LOXL4: variants seen among roughly 807,000 people sequenced by gnomAD.
The protein encoded by LOXL4 is lysyl oxidase like 4.
LOXL4 carries 72 observed loss-of-function variants against 89.1 expected under a neutral mutation model. The observed-to-expected ratio is 0.81, with a 90% CI of 0.67 to 0.98. LOXL4 has a LOEUF of 0.98. Among genes scored for constraint, LOXL4 ranks in the 50% least tolerant of loss-of-function variants. The pLI is 0.00. For missense variants in LOXL4, 984 were observed against 1,017.5 expected, an observed-to-expected ratio of 0.97 and a Z score of 0.45; for synonymous variants, 355 against 392.1, an observed-to-expected ratio of 0.91 and a Z score of 1.12.
chr10:98,262,814 A>G lies in LOXL4; in HGVS notation c.206T>C (p.Val69Ala). 6.2e-7 allele frequency: 1 copy of G among 1,613,672 alleles called. No individual in the cohort carries two copies. The highest frequency in any genetic ancestry group is 8.5e-7 in the Non-Finnish European group (1 of 1,180,038). Residue 69 changes from valine to alanine, a missense_variant, in exon 2 of 15, where the codon GTG becomes GCG. By Grantham distance (64) the Val-to-Ala change is moderately conservative. Transcript: ENST00000260702. ...TTCGAAGCCCAGCTGGCGGCAAGCCACTGTGGCCTCCTGGATAGCAAAGTT... is the reference window on the plus strand; with the variant it reads ...TTCGAAGCCCAGCTGGCGGCAAGCCGCTGTGGCCTCCTGGATAGCAAAGTT... ...DDNFAIQEAT[V>A]ACRQLGFEAA...
At chr10:98,261,682 G>A (rs1858546703) in intron 3 of LOXL4, among the ~76,000 whole-genome samples, 1 of 152,268 alleles carries the variant, frequency 6.6e-6, no homozygotes, top group Non-Finnish European at 1.5e-5. Flanking sequence ...CGCTCCTGTT[G>A]TTTGGCTTGG....
intron 11 of LOXL4, among the ~76,000 whole-genome samples, chr10:98,252,873 G>GT (rs1199668945): frequency 2.0e-5 from 3 of 152,342 alleles, no homozygotes; most frequent in South Asian, 2.1e-4. Flanking sequence ...TTCCAATCCA[G>GT]TTATAATGAC....
chr10:98,256,890 C>T lies in LOXL4; in HGVS notation c.1318G>A (p.Val440Met). 1.2e-6 allele frequency: 2 copies of T among 1,614,234 alleles called. No homozygotes were observed. The highest frequency in any genetic ancestry group is 1.1e-5 in the South Asian group (1 of 91,092). The change falls in exon 9 of 15, where the codon GTG (valine) becomes ATG (methionine). Residue 440 changes from valine (V) to methionine (M), a missense_variant. Transcript: ENST00000260702. ...CTCCCCCAGCGTGGGACCCCGTTCACCTCCACCTGCACCTCCAATAGCCCC... is the reference window on the plus strand; with the variant it reads ...CTCCCCCAGCGTGGGACCCCGTTCATCTCCACCTGCACCTCCAATAGCCCC... Reference protein sequence around the residue: ...EEGLLEVQVEVNGVPRWGSVC... With the variant: ...EEGLLEVQVEMNGVPRWGSVC...
chr10:98,251,958 T>C, intron 12 of LOXL4: 1 of 534,360 alleles, frequency 1.9e-6, no homozygotes, highest in South Asian at 2.4e-5. Context: ...GCTAATTTAC[T>C]TGTGCATCCG....
In LOXL4 at chr10:98,255,617, G is replaced by A. The variant is rs564977441; in HGVS notation, c.1551C>T (p.His517=). 5.2e-5 allele frequency: 84 copies of A among 1,612,322 alleles called. No individual in the cohort carries two copies. Among genetic ancestry groups the A allele is most frequent in the African/African-American group, 8.0e-5 (6 of 75,022 alleles). Residue 517 remains histidine, a synonymous_variant, in exon 10 of 15, where the codon CAC becomes CAT. Coordinates refer to ENST00000260702, the MANE Select transcript of LOXL4 (RefSeq NM_032211.7). ...CTCCAGCCAGGAAGCGCCCGCCACC[G>A]TGGGAGCAGTGCACCGGCCCGTGCC... is the stretch of plus-strand genomic sequence containing the variant. ...CQRHGPVHCS[H]GGGRFLAGVS... is the part of the protein sequence containing the mutation.
intron 4 of LOXL4, 144 bp downstream of exon 4, chr10:98,260,778 G>A (rs1858512714): frequency 4.9e-6 from 4 of 815,068 alleles, no homozygotes; most frequent in South Asian, 1.6e-5. Context: ...ACACTCGCCT[G>A]TGTGCATACT....
In LOXL4 at chr10:98,256,930, C is replaced by T; in HGVS notation, c.1278G>A (p.Gly426=). The T allele has an allele frequency of 1.9e-6, 3 of 1,614,110 alleles. No homozygotes were observed. Among genetic ancestry groups the T allele is most frequent in the Non-Finnish European group, 1.7e-6 (2 of 1,179,998 alleles). Residue 426 remains glycine, a synonymous_variant, in exon 9 of 15, where the codon GGG becomes GGA. Coordinates refer to ENST00000260702, the MANE Select transcript of LOXL4 (RefSeq NM_032211.7). The part of the protein sequence containing the change: ...GFQNQVRLAG[G]RIPEEGLLEV... ...CCAATAGCCCCTCCTCAGGGATACG[C>T]CCACCAGCCAAGCGCACCTGCAATG...
In LOXL4 at chr10:98,252,424, G is replaced by T. The variant is rs1410991553; in HGVS notation, c.1880C>A (p.Thr627Asn). 6.2e-7 allele frequency: 1 copy of T among 1,614,122 alleles called. No individual in the cohort carries two copies. Among genetic ancestry groups the T allele is most frequent in the Non-Finnish European group, 8.5e-7 (1 of 1,179,972 alleles). Residue 627 changes from threonine (T) to asparagine (N), a missense_variant, in exon 12 of 15, where the codon ACT becomes AAT. By Grantham distance (65) the Thr-to-Asn change is moderately conservative. Coordinates refer to ENST00000260702, the MANE Select transcript of LOXL4 (RefSeq NM_032211.7). ...IEVFTHYDLL[T>N]LNGSKVAEGH... ...CTCAGCCACCTTGGAGCCATTGAGAGTGAGGAGGTCGTAGTGGGTGAAGAC... is the reference window on the plus strand; with the variant it reads ...CTCAGCCACCTTGGAGCCATTGAGATTGAGGAGGTCGTAGTGGGTGAAGAC...
Position 98,248,884 on chromosome 10 carries a change from G to A in LOXL4, c.*37C>T, listed in dbSNP as rs62621987. ...TGGCTCCAATAAGCTGAGGTATCTG[G>A]TGTATCGGCAGCAGCTAGGAGTGTG... is the stretch of plus-strand genomic sequence containing the variant. On this transcript the variant is annotated 3_prime_UTR_variant, in exon 15 of 15. Coordinates refer to ENST00000260702, the MANE Select transcript of LOXL4 (RefSeq NM_032211.7). The A allele has an allele frequency of 6.4e-7, 1 of 1,568,072 alleles. No individual in the cohort carries two copies. Among genetic ancestry groups the A allele is most frequent in the Non-Finnish European group, 8.8e-7 (1 of 1,141,590 alleles).
In LOXL4 at chr10:98,248,790, T is replaced by C; in HGVS notation, c.*131A>G. On this transcript the variant is annotated 3_prime_UTR_variant, in exon 15 of 15. Transcript: ENST00000260702. ...TTGGTGATCTTGCCATCAAAAGGCT[T>C]CCTGAGCAGGTTCTTGGTGCCCCTT... 1.3e-6 allele frequency: 1 copy of C among 770,806 alleles called. No individual in the cohort carries two copies. Among genetic ancestry groups the C allele is most frequent in the Non-Finnish European group, 2.1e-6 (1 of 467,916 alleles). The allele number at this position is 770,806 out of a possible 1,614,324, so 47.7% of individuals were successfully genotyped here.
At chr10:98,252,090 TAGGAC>T (rs1269365864) in intron 12 of LOXL4, 12 of 509,748 alleles carry the variant, frequency 2.4e-5, no homozygotes, top group African/African-American at 5.8e-5. Flanking sequence ...TCAGCAGAGA[TAGGAC>T]AGGTCTGCAA....
chr10:98,258,886 C>G, intron 6 of LOXL4, 123 bp downstream of exon 6: 1 of 684,608 alleles, frequency 1.5e-6, no homozygotes, highest in South Asian at 2.0e-5. Flanking sequence ...CTGTGATTCA[C>G]TCTCCTCCTC....
At position 98,252,442 on chromosome 10, in the gene LOXL4, G is replaced by A; in HGVS notation, c.1862C>T (p.Thr621Ile). 1.9e-6 allele frequency: 3 copies of A among 1,613,872 alleles called. No homozygotes were observed. The highest frequency in any genetic ancestry group is 2.5e-6 in the Non-Finnish European group (3 of 1,179,780). ...ATTGAGAGTGAGGAGGTCGTAGTGG[G>A]TGAAGACCTCAATGCTGTGGTAATG... ...HRHYHSIEVF[T>I]HYDLLTLNGS... Residue 621 changes from threonine (T) to isoleucine (I), a missense_variant, in exon 12 of 15, where the codon ACC becomes ATC. Coordinates refer to ENST00000260702, the MANE Select transcript of LOXL4 (RefSeq NM_032211.7).
At position 98,256,913 on chromosome 10, in the gene LOXL4, CCCT is replaced by C. The variant is rs537951934; in HGVS notation, c.1292_1294del (p.Glu431del). On this transcript the variant is annotated inframe_deletion, in exon 9 of 15. Transcript: ENST00000260702. ...CACCTCCACCTGCACCTCCAATAGC[CCCT>C]CCTCAGGGATACGCCCACCAGCCAA... 167 of 1,614,176 alleles carry C rather than the reference CCCT, an allele frequency of 1.0e-4. 1 individual carries two copies. In the East Asian group the frequency reaches 3.1e-3, roughly 30 times the overall value.
At position 98,248,846 on chromosome 10, in the gene LOXL4, T is replaced by A; in HGVS notation, c.*75A>T. ...TGGCCCTTTTCCTCTGAGTTGGGAC[T>A]CTGTGAAGGGCATGGCTCCAATAAG... On this transcript the variant is annotated 3_prime_UTR_variant, in exon 15 of 15. Coordinates refer to ENST00000260702, the MANE Select transcript of LOXL4 (RefSeq NM_032211.7). 6.6e-6 allele frequency: 9 copies of A among 1,372,360 alleles called. No homozygotes were observed. Among genetic ancestry groups the A allele is most frequent in the Non-Finnish European group, 9.2e-6 (9 of 976,172 alleles). 85.0% of individuals were successfully genotyped at this position (1,372,360 alleles called of 1,614,324 possible).
rs559025903 is a variant in LOXL4, at chr10:98,248,951, C to G, written c.2241G>C (p.Gln747His). Reference sequence around the variant, plus strand: ...TGAGGTTGTTCCTGAGACGCTGTTCCTGCTCCAGGGAGAGTTCTGCATTGG... The same window carrying G: ...TGAGGTTGTTCCTGAGACGCTGTTCGTGCTCCAGGGAGAGTTCTGCATTGG... ...YPANAELSLE[Q>H]EQRLRNNLI Residue 747 changes from glutamine to histidine, a missense_variant, in exon 15 of 15, where the codon CAG becomes CAC. Gln to His is a conservative substitution (Grantham distance 24). Coordinates refer to ENST00000260702, the MANE Select transcript of LOXL4 (RefSeq NM_032211.7). The G allele has an allele frequency of 6.8e-6, 11 of 1,613,806 alleles. No homozygotes were observed. The Admixed American group carries it at 1.8e-4, about 27-fold the overall frequency.
rs370209100 is a variant in LOXL4, at chr10:98,256,169, G to A, written c.1429-430C>T. On this transcript the variant is annotated intron_variant, in intron 9 of 14. Coordinates refer to ENST00000260702, the MANE Select transcript of LOXL4 (RefSeq NM_032211.7). Reference sequence around the variant, plus strand: ...GCAAGTGCAGAGGTTTCTCTGTTGCGGTCATGCCTAAGTCCTCTTGATTTT... The same window carrying A: ...GCAAGTGCAGAGGTTTCTCTGTTGCAGTCATGCCTAAGTCCTCTTGATTTT... 8.9e-5 allele frequency: 16 copies of A among 178,926 alleles called. No homozygotes were observed. In the East Asian group the frequency reaches 1.2e-3, roughly 13 times the overall value. 11.1% of individuals were successfully genotyped at this position (178,926 alleles called of 1,614,324 possible). A position where few individuals can be genotyped will look rare whatever the true frequency, so the allele number is the denominator to read the frequency against.
Position 98,262,768 on chromosome 10 carries a change from G to A in LOXL4, c.252C>T (p.His84=), listed in dbSNP as rs772721475. 47 of 1,613,282 alleles carry A rather than the reference G, an allele frequency of 2.9e-5. No individual in the cohort carries two copies. In the South Asian group the frequency reaches 4.5e-4, roughly 15 times the overall value. Residue 84 remains histidine (H), a synonymous_variant, in exon 2 of 15, where the codon CAC becomes CAT. Transcript: ENST00000260702. The part of the protein sequence containing the change: ...LGFEAALTWA[H]SAKYGQGEGP... ...CCTCCCCTTGGCCGTACTTGGCACT[G>A]TGGGCCCAGGTCAAGGCAGCTTCGA...
intron 11 of LOXL4, 80 bp from the exon 12 acceptor site, chr10:98,252,548 C>A (rs1036199263): frequency 9.5e-6 from 9 of 946,740 alleles, no homozygotes; most frequent in Non-Finnish European, 1.5e-5. Context: ...AAGACAGGCC[C>A]CAGGCCCCAT....
Sources: allele counts gnomAD v4.1 joint callset (sites outside exome capture counted in the v4.1 genomes callset), GRCh38; gene constraint gnomAD v4.1.1; transcripts MANE v1.5; gene names NCBI Gene and HGNC (gene_info 2026-07-23, HGNC 2026-07-21).